The following GPC6 variants were observed in gnomAD, a reference collection of about 807,000 sequenced individuals.
GPC6 encodes glypican 6, also known as glypican-6.
Under a neutral mutation model 55.2 loss-of-function variants are expected in GPC6, and 14 were observed. That is an observed-to-expected ratio of 0.25 (90% CI 0.17 to 0.40). The LOEUF (loss-of-function observed/expected upper bound fraction) is 0.40, where lower values mean the gene tolerates loss of function less well. Ranked by LOEUF, GPC6 falls within the 10% of genes least tolerant of loss-of-function variation. The pLI is 1.00. For synonymous variants in GPC6, 278 were observed against 259.6 expected, an observed-to-expected ratio of 1.07 and a Z score of -0.68; for missense variants, 641 against 708.5, an observed-to-expected ratio of 0.90 and a Z score of 1.08.
At chr13:94,371,759 C>A (rs994522354) in intron 6 of GPC6, among the ~76,000 whole-genome samples, 4 of 152,062 alleles carry the variant, frequency 2.6e-5, no homozygotes, top group South Asian at 2.1e-4. Context: ...GTAAAATGAA[C>A]ATCCATATAA....
the GPC6 span, among the ~76,000 whole-genome samples, chr13:93,219,599 G>A: frequency 6.6e-6 from 1 of 151,836 alleles, no homozygotes; most frequent in African/African-American, 2.4e-5. Flanking sequence ...AATTTTTTTT[G>A]CTAGTATCTA....
At chr13:93,394,374 A>G (rs564025750) in intron 1 of GPC6, among the ~76,000 whole-genome samples, 2 of 152,326 alleles carry the variant, frequency 1.3e-5, no homozygotes, top group African/African-American at 4.8e-5. Flanking sequence ...TAAGTATTCA[A>G]TAAATGCTGA....
chr13:93,251,474 A>G (rs193038853), intron 1 of GPC6, among the ~76,000 whole-genome samples: 18 of 152,352 alleles, frequency 1.2e-4, no homozygotes, highest in African/African-American at 3.8e-4. Flanking sequence ...ACTTTCAAAG[A>G]ATCTCTTGAG....
Position 93,644,764 on chromosome 13 carries a change from GAGTA to G in GPC6, c.319+99345_319+99348del, listed in dbSNP as rs1232386963. Among the ~76,000 whole-genome samples the G allele has an allele frequency of 1.9e-4, 22 of 117,142 alleles. No individual in the cohort carries two copies. In the Middle Eastern group the frequency reaches 0.012, roughly 63 times the overall value. 76.8% of individuals were successfully genotyped at this position (117,142 alleles called of 152,430 possible). ...CAACATAGATTACTGTTGCCATCAA[GAGTA>G]AATAAATAAATAAATAAATAAATAA... On this transcript the variant is annotated intron_variant, in intron 2 of 8. Transcript: ENST00000377047.
chr13:94,239,949 G>A (rs1160909811), intron 4 of GPC6, among the ~76,000 whole-genome samples: 1 of 152,204 alleles, frequency 6.6e-6, no homozygotes, highest in African/African-American at 2.4e-5. Context: ...TCCTTAGGAA[G>A]TGATGCTCAC....
chr13:94,073,379 C>G (rs976463494), intron 4 of GPC6, among the ~76,000 whole-genome samples: 2 of 152,136 alleles, frequency 1.3e-5, no homozygotes, highest in African/African-American at 4.8e-5. Flanking sequence ...AAAATACTTT[C>G]AAGATTTTGC....
At chr13:94,285,606 C>T (rs1216830440) in intron 4 of GPC6, among the ~76,000 whole-genome samples, 3 of 152,150 alleles carry the variant, frequency 2.0e-5, no homozygotes, top group Admixed American at 6.5e-5. Flanking sequence ...AACCTTAAAA[C>T]GTGTCCTTTT....
intron 2 of GPC6, among the ~76,000 whole-genome samples, chr13:93,808,430 A>G (rs1271321832): frequency 6.6e-6 from 1 of 152,230 alleles, no homozygotes; most frequent in East Asian, 1.9e-4. Flanking sequence ...ATCTTTAAGT[A>G]CATAATAACT....
Position 94,212,895 on chromosome 13 carries a change from C to T in GPC6, c.878-73454C>T, listed in dbSNP as rs541597194. The stretch of plus-strand genomic sequence containing the variant: ...TACTAGGGCCGGGCACGGTGGCTCA[C>T]GCCTTTCATCCCAGCACTTTGGGAG... On this transcript the variant is annotated intron_variant, in intron 4 of 8. Coordinates refer to ENST00000377047, the MANE Select transcript of GPC6 (RefSeq NM_005708.5). Among the ~76,000 whole-genome samples, 10 of 152,332 alleles carry T rather than the reference C, an allele frequency of 6.6e-5. No homozygotes were observed. The South Asian group carries it at 1.0e-3, about 16-fold the overall frequency.
At chr13:93,790,706 G>A (rs1278640830) in intron 2 of GPC6, among the ~76,000 whole-genome samples, 1 of 152,130 alleles carries the variant, frequency 6.6e-6, no homozygotes, top group Non-Finnish European at 1.5e-5. Flanking sequence ...GTAAGACACA[G>A]TCCTAAAATT....
intron 4 of GPC6, among the ~76,000 whole-genome samples, chr13:94,224,535 A>G (rs1890487408): frequency 6.6e-6 from 1 of 151,980 alleles, no homozygotes; most frequent in Non-Finnish European, 1.5e-5. Context: ...TTAGGAAACA[A>G]AAAGAAGTCA....
intron 1 of GPC6, among the ~76,000 whole-genome samples, chr13:93,331,798 A>G (rs1879855979): frequency 6.6e-6 from 1 of 152,074 alleles, no homozygotes; most frequent in Non-Finnish European, 1.5e-5. Context: ...AATGAACACT[A>G]GAACTTATTC....
At chr13:93,796,026 G>GAA (rs774532431) in intron 2 of GPC6, among the ~76,000 whole-genome samples, 1 of 133,314 alleles carries the variant, frequency 7.5e-6, no homozygotes. Flanking sequence ...TCCGAGAAAA[G>GAA]AAAAAAAAAA....
intron 1 of GPC6, among the ~76,000 whole-genome samples, chr13:93,535,700 AAC>A (rs1491354359): frequency 1.3e-4 from 19 of 151,646 alleles, no homozygotes; most frequent in African/African-American, 4.6e-4. Context: ...AAAAAAAAAA[AAC>A]CAAGCAGAAC....
chr13:94,090,764 T>A (rs1257554256), intron 4 of GPC6, among the ~76,000 whole-genome samples: 1 of 152,160 alleles, frequency 6.6e-6, no homozygotes, highest in Non-Finnish European at 1.5e-5. Context: ...AGGAAATTGA[T>A]CAAGCCCACA....
intron 1 of GPC6, among the ~76,000 whole-genome samples, chr13:93,259,561 T>G (rs1272140653): frequency 6.6e-6 from 1 of 152,214 alleles, no homozygotes; most frequent in Non-Finnish European, 1.5e-5. Context: ...TATCTTCCTT[T>G]ATTCTTTATG....
intron 2 of GPC6, among the ~76,000 whole-genome samples, chr13:93,562,818 A>G (rs373502312): frequency 2.0e-5 from 3 of 152,272 alleles, no homozygotes; most frequent in East Asian, 3.9e-4. Flanking sequence ...CATCACAAAA[A>G]TCCCATGAGG....
intron 2 of GPC6, among the ~76,000 whole-genome samples, chr13:93,807,129 G>A (rs576819086): frequency 6.6e-6 from 1 of 152,188 alleles, no homozygotes; most frequent in East Asian, 1.9e-4. Flanking sequence ...GCATTGTATA[G>A]CAATTAAACA....
intron 4 of GPC6, among the ~76,000 whole-genome samples, chr13:94,201,801 T>G (rs1462438856): frequency 6.6e-6 from 1 of 151,964 alleles, no homozygotes; most frequent in Non-Finnish European, 1.5e-5. Context: ...ATACAAAAAT[T>G]AGCTGGGCGT....
Sources: gnomAD v4.1 joint callset for allele counts (sites outside exome capture counted in the v4.1 genomes callset) on GRCh38, gnomAD v4.1.1 for gene constraint, MANE v1.5 for transcripts, NCBI Gene and HGNC (gene_info 2026-07-23, HGNC 2026-07-21) for gene names.